Variants in SOX6 observed in about 807,000 individuals in gnomAD.
The protein encoded by SOX6 is SRY-box transcription factor 6.
A neutral mutation model predicts 97.8 loss-of-function variants in SOX6; 11 were observed. That is an observed-to-expected ratio of 0.11 (90% CI 0.07 to 0.19). The LOEUF is 0.19. Among genes scored for constraint, SOX6 ranks in the 10% least tolerant of loss-of-function variants. The pLI is 1.00. For synonymous variants in SOX6, 360 were observed against 371.4 expected, an observed-to-expected ratio of 0.97 and a Z score of 0.35; for missense variants, 810 against 1,039.5, an observed-to-expected ratio of 0.78 and a Z score of 3.04.
intron 4 of SOX6, among the ~76,000 whole-genome samples, chr11:16,541,497 A>T (rs1861407987): frequency 6.6e-6 from 1 of 152,238 alleles, no homozygotes; most frequent in Non-Finnish European, 1.5e-5. Context: ...GCTTCTGCAC[A>T]GCAAAAGAAA....
At chr11:16,640,697 T>A (rs934728441) in intron 3 of SOX6, among the ~76,000 whole-genome samples, 1 of 152,220 alleles carries the variant, frequency 6.6e-6, no homozygotes, top group African/African-American at 2.4e-5. Context: ...TTAATTTGCG[T>A]AGAGGTGTTT....
intron 1 of SOX6, among the ~76,000 whole-genome samples, chr11:16,416,748 C>T (rs1192289690): frequency 6.6e-6 from 1 of 152,166 alleles, no homozygotes; most frequent in Non-Finnish European, 1.5e-5. Flanking sequence ...TTACTATCTG[C>T]TAGGAACTGT....
intron 3 of SOX6, among the ~76,000 whole-genome samples, chr11:16,270,716 A>G (rs1854230331): frequency 6.6e-6 from 1 of 151,324 alleles, no homozygotes; most frequent in African/African-American, 2.4e-5. Flanking sequence ...GACACATGCT[A>G]CAGCATAAAT....
intron 4 of SOX6, among the ~76,000 whole-genome samples, chr11:16,596,370 C>G (rs1848213258): frequency 6.6e-6 from 1 of 152,220 alleles, no homozygotes; most frequent in Non-Finnish European, 1.5e-5. Flanking sequence ...AGTGGCTAAG[C>G]TGCTGGCTTA....
At chr11:16,385,206 T>G (rs1857945556) in intron 1 of SOX6, among the ~76,000 whole-genome samples, 1 of 152,072 alleles carries the variant, frequency 6.6e-6, no homozygotes, top group Admixed American at 6.6e-5. Flanking sequence ...TCAGATTATG[T>G]GCTTCCCTGA....
At chr11:16,627,618 G>A (rs533831821) in intron 3 of SOX6, among the ~76,000 whole-genome samples, 2 of 152,088 alleles carry the variant, frequency 1.3e-5, no homozygotes, top group African/African-American at 2.4e-5. Context: ...GTCTGTTCAC[G>A]TCTTTTCCCC....
At chr11:15,983,320 C>T (rs1179364872) in intron 15 of SOX6, among the ~76,000 whole-genome samples, 1 of 151,972 alleles carries the variant, frequency 6.6e-6, no homozygotes, top group Non-Finnish European at 1.5e-5. Flanking sequence ...TAACATTGCT[C>T]CCTTCCATAT....
At chr11:16,624,225 G>C (rs1477246101) in intron 3 of SOX6, among the ~76,000 whole-genome samples, 2 of 122,400 alleles carry the variant, frequency 1.6e-5, no homozygotes, top group African/African-American at 6.1e-5. Flanking sequence ...GTCTTGCTCT[G>C]TTGCCAGGCT....
At chr11:16,442,019 C>CA (rs1389152512) in intron 1 of SOX6, among the ~76,000 whole-genome samples, 1 of 152,190 alleles carries the variant, frequency 6.6e-6, no homozygotes, top group African/African-American at 2.4e-5. Context: ...ACTCCCAGGT[C>CA]ACTGCATTAT....
At position 15,967,188 on chromosome 11, in the gene SOX6, A is replaced by G. The variant is rs1431994203; in HGVS notation, c.*5621T>C. ...GGCCAAGTAGGTACCTGCATTATAC[A>G]TAGAATTTCTACAAAGAAAATCTGC... On this transcript the variant is annotated 3_prime_UTR_variant, in exon 16 of 16. Transcript: ENST00000683767. 1 of 152,206 alleles carries G rather than the reference A, an allele frequency of 6.6e-6. No individual in the cohort carries two copies. The highest frequency in any genetic ancestry group is 2.4e-5 in the African/African-American group (1 of 41,440). The allele number at this position is 152,206 out of a possible 1,614,324, so 9.4% of individuals were successfully genotyped here.
chr11:16,449,441 C>T (rs576108714), intron 1 of SOX6, among the ~76,000 whole-genome samples: 4 of 151,422 alleles, frequency 2.6e-5, no homozygotes, highest in Non-Finnish European at 4.4e-5. Flanking sequence ...TACAGGCGCC[C>T]GCTACCATGC....
At chr11:16,231,522 T>G (rs1194903128) in intron 4 of SOX6, among the ~76,000 whole-genome samples, 2 of 151,788 alleles carry the variant, frequency 1.3e-5, no homozygotes, top group Non-Finnish European at 3.0e-5. Flanking sequence ...CTGCAGATAT[T>G]ACTGGTGAGA....
At chr11:16,535,599 G>A (rs561352472) in intron 4 of SOX6, among the ~76,000 whole-genome samples, 5 of 152,264 alleles carry the variant, frequency 3.3e-5, no homozygotes, top group African/African-American at 1.2e-4. Flanking sequence ...TTGACCCTGG[G>A]AGGCAGAGGT....
intron 3 of SOX6, among the ~76,000 whole-genome samples, chr11:16,261,631 T>C (rs1853901611): frequency 6.8e-6 from 1 of 146,058 alleles, no homozygotes; most frequent in South Asian, 2.2e-4. Flanking sequence ...GAGTCTTCTT[T>C]TATTTGAAAA....
intron 9 of SOX6, among the ~76,000 whole-genome samples, chr11:16,094,230 C>A (rs1848748774): frequency 6.6e-6 from 1 of 151,220 alleles, no homozygotes; most frequent in Non-Finnish European, 1.5e-5. Context: ...AGCTCTGACA[C>A]TCATATGCAT....
chr11:16,157,598 C>T (rs1359060761), intron 6 of SOX6, among the ~76,000 whole-genome samples: 1 of 151,958 alleles, frequency 6.6e-6, no homozygotes, highest in Admixed American at 6.6e-5. Context: ...AGTGATCTTT[C>T]TGAAAGGCAA....
chr11:16,275,285 CAAAA>C (rs869208945), intron 3 of SOX6, among the ~76,000 whole-genome samples: 43 of 123,020 alleles, frequency 3.5e-4, no homozygotes, highest in Admixed American at 1.3e-3. Flanking sequence ...ACCAAAAATA[CAAAA>C]AAAAAAAAAA....
At chr11:16,519,186 G>A (rs1261255992) in intron 4 of SOX6, among the ~76,000 whole-genome samples, 1 of 152,068 alleles carries the variant, frequency 6.6e-6, no homozygotes, top group Non-Finnish European at 1.5e-5. Flanking sequence ...CATTTTCAGT[G>A]GCTAGAATAA....
At chr11:16,396,660 TAG>T (rs765571261) in intron 1 of SOX6, among the ~76,000 whole-genome samples, 1 of 151,570 alleles carries the variant, frequency 6.6e-6, no homozygotes, top group Non-Finnish European at 1.5e-5. Context: ...TCTGATTACA[TAG>T]AGTTTCAATA....
Sources: gnomAD v4.1 joint callset for allele counts (sites outside exome capture counted in the v4.1 genomes callset) on GRCh38, gnomAD v4.1.1 for gene constraint, MANE v1.5 for transcripts, NCBI Gene and HGNC (gene_info 2026-07-23, HGNC 2026-07-21) for gene names.